ABCC6: variants seen among roughly 807,000 people sequenced by gnomAD.
The protein encoded by ABCC6 is ATP-binding cassette sub-family C member 6.
A neutral mutation model predicts 169.5 loss-of-function variants in ABCC6; 126 were observed. That is an observed-to-expected ratio of 0.74 (90% CI 0.64 to 0.86). The LOEUF is 0.86. Among genes scored for constraint, ABCC6 ranks in the 40% least tolerant of loss-of-function variants. ABCC6 has a pLI of 0.00. For missense variants in ABCC6, 1,733 were observed against 1,927.2 expected, an observed-to-expected ratio of 0.90 and a Z score of 1.89; for synonymous variants, 752 against 814.7, an observed-to-expected ratio of 0.92 and a Z score of 1.31.
In ABCC6 at chr16:16,182,460, T is replaced by C. The variant is rs1386175286; in HGVS notation, c.2199A>G (p.Pro733=). The C allele has an allele frequency of 1.9e-6, 3 of 1,614,184 alleles. No individual in the cohort carries two copies. Among genetic ancestry groups the C allele is most frequent in the Non-Finnish European group, 2.5e-6 (3 of 1,180,038 alleles). ...TTCCCTCAGGGAAGCTGTCCACATC[T>C]GGCTGCAGGGCACAGGCTTCTAGTA... is the stretch of plus-strand genomic sequence containing the variant. The part of the protein sequence containing the change: ...ERVLEACALQ[P]DVDSFPEGIH... Residue 733 remains proline (P), a synonymous_variant, in exon 17 of 31, where the codon CCA becomes CCG. Coordinates refer to ENST00000205557, the MANE Select transcript of ABCC6 (RefSeq NM_001171.6).
chr16:16,155,084 T>C (rs1049442408), intron 27 of ABCC6, 53 bp from the exon 28 acceptor site: 1 of 1,528,416 alleles, frequency 6.5e-7, no homozygotes, highest in African/African-American at 1.4e-5. Context: ...TTGTGGGCAT[T>C]TATTGGGGAG....
At chr16:16,155,411 GCCAT>G (rs34148011) in intron 27 of ABCC6, 58,972 of 285,010 alleles carry the variant, frequency 0.21, 7,995 homozygotes, top group South Asian at 0.4. Context: ...ACCCCATCCT[GCCAT>G]CCATCCATCC....
At chr16:16,182,764 GA>G in intron 16 of ABCC6, 39 bp downstream of exon 16, 1 of 1,613,014 alleles carries the variant, frequency 6.2e-7, no homozygotes, top group Non-Finnish European at 8.5e-7. Flanking sequence ...GGACTTTCAG[GA>G]TGGGGACATC....
At chr16:16,215,438 G>GGTGTGTGTGT (rs56229208) in intron 4 of ABCC6, among the ~76,000 whole-genome samples, 5 of 136,932 alleles carry the variant, frequency 3.7e-5, no homozygotes, top group African/African-American at 1.4e-4. Flanking sequence ...TTTAATTTTA[G>GGTGTGTGTGT]GTGTGTGTGT....
intron 7 of ABCC6, among the ~76,000 whole-genome samples, chr16:16,206,138 C>G (rs2048384737): frequency 1.3e-5 from 2 of 152,232 alleles, no homozygotes; most frequent in Admixed American, 6.5e-5. Context: ...GTGTGTTCAG[C>G]CTGCAGGCTC....
intron 22 of ABCC6, among the ~76,000 whole-genome samples, chr16:16,167,393 A>C (rs1223161372): frequency 6.6e-6 from 1 of 152,180 alleles, no homozygotes; most frequent in Non-Finnish European, 1.5e-5. Context: ...ATCCAGCCAT[A>C]CCTGAAGCCA....
intron 18 of ABCC6, among the ~76,000 whole-genome samples, chr16:16,178,094 G>C (rs1306274471): frequency 1.3e-5 from 2 of 151,740 alleles, no homozygotes; most frequent in African/African-American, 4.8e-5. Context: ...GGGAGGCCGA[G>C]GCAGATGGAT....
At position 16,154,053 on chromosome 16, in the gene ABCC6, G is replaced by A. The variant is rs574032235; in HGVS notation, c.4208+575C>T. Among the ~76,000 whole-genome samples, 21 of 151,866 alleles carry A rather than the reference G, an allele frequency of 1.4e-4. No individual in the cohort carries two copies. In the South Asian group the frequency reaches 4.0e-3, roughly 29 times the overall value. ...CAACCTTCGCCTCCCTGGCTCAAGC[G>A]TTCTTCCCACCTCAGCCTCCCAAGT... On this transcript the variant is annotated intron_variant, in intron 29 of 30. Coordinates refer to ENST00000205557, the MANE Select transcript of ABCC6 (RefSeq NM_001171.6).
rs551388145 is a variant in ABCC6 at position 16,149,813 on chromosome 16, C to G, written c.*320G>C. ...GCCTCAGAGATTCTGATTTAAGGGT[C>G]TAGCCGGGAGCCTGGGCATGTGCTT... On this transcript the variant is annotated 3_prime_UTR_variant, in exon 31 of 31. Transcript: ENST00000205557. The G allele has an allele frequency of 1.2e-4, 58 of 487,500 alleles. No homozygotes were observed. The Admixed American group carries it at 1.5e-3, about 13-fold the overall frequency. The allele number at this position is 487,500 out of a possible 1,614,324, so 30.2% of individuals were successfully genotyped here.
At chr16:16,221,895 A>G (rs561788706) in intron 1 of ABCC6, 64 bp from the exon 2 acceptor site, 194 of 1,611,616 alleles carry the variant, frequency 1.2e-4, no homozygotes, top group Middle Eastern at 4.3e-4. Context: ...TCACCTGCCC[A>G]GGGGGCCAGG....
Position 16,197,983 on chromosome 16 carries a change from G to A in ABCC6, c.1338+38C>T, listed in dbSNP as rs1361195123. The A allele has an allele frequency of 3.1e-6, 5 of 1,596,080 alleles. No homozygotes were observed. The East Asian group carries it at 1.1e-4, about 36-fold the overall frequency. ...AGGAGGGGGAGAAGGAGGGGGTGGG[G>A]GACTCCGTTCAAATCCCGTCTTCCT... On this transcript the variant is annotated intron_variant, in intron 10 of 30. Transcript: ENST00000205557.
intron 15 of ABCC6, among the ~76,000 whole-genome samples, chr16:16,183,660 T>C (rs1328591256): frequency 6.6e-6 from 1 of 152,068 alleles, no homozygotes; most frequent in Non-Finnish European, 1.5e-5. Context: ...CACCAGGGGG[T>C]GACTGCATCC....
At chr16:16,219,388 C>G (rs1315801226) in intron 4 of ABCC6, among the ~76,000 whole-genome samples, 166 bp downstream of exon 4, 1 of 152,044 alleles carries the variant, frequency 6.6e-6, no homozygotes, top group East Asian at 1.9e-4. Flanking sequence ...ATGATGGGTA[C>G]TGACAGGTGC....
chr16:16,161,703 CAG>C lies in ABCC6; in HGVS notation c.3507-141_3507-140del. ...ATGGCCTCCACATGCAACCCAGGCTCAGGGAGTAGAGGAAGATGACACCGTCC... is the reference window on the plus strand; with the variant it reads ...ATGGCCTCCACATGCAACCCAGGCTCGGAGTAGAGGAAGATGACACCGTCC... On this transcript the variant is annotated intron_variant, in intron 24 of 30. Transcript: ENST00000205557. 7.7e-6 allele frequency: 9 copies of C among 1,170,186 alleles called. No individual in the cohort carries two copies. In the South Asian group the frequency reaches 1.0e-4, roughly 14 times the overall value. 72.5% of individuals were successfully genotyped at this position (1,170,186 alleles called of 1,614,324 possible).
Sources: allele counts gnomAD v4.1 joint callset (sites outside exome capture counted in the v4.1 genomes callset), GRCh38; gene constraint gnomAD v4.1.1; transcripts MANE v1.5; gene names NCBI Gene and HGNC (gene_info 2026-07-23, HGNC 2026-07-21).